PRPSAP1: variants seen among roughly 807,000 people sequenced by gnomAD.
PRPSAP1 encodes phosphoribosyl pyrophosphate synthetase associated protein 1.
In PRPSAP1, 31 loss-of-function variants were observed where a neutral mutation model predicts 39.4. The ratio of observed to expected loss-of-function variants is 0.79; its 90% CI spans 0.59 to 1.06. The LOEUF (loss-of-function observed/expected upper bound fraction) is 1.06. Among genes scored for constraint, PRPSAP1 ranks in the 50% least tolerant of loss-of-function variants. The pLI is 0.00. For missense variants in PRPSAP1, 430 were observed against 511.6 expected, an observed-to-expected ratio of 0.84 and a Z score of 1.54; for synonymous variants, 212 against 192.6, an observed-to-expected ratio of 1.10 and a Z score of -0.83.
rs766959868 is a variant in PRPSAP1 at position 76,328,797 on chromosome 17, G to A, written c.701C>T (p.Thr234Met). Residue 234 changes from threonine (T) to methionine (M), a missense_variant, in exon 7 of 10, where the codon ACG (threonine) becomes ATG (methionine). Around this residue, in one of 2 missense-constraint regions of PRPSAP1, gnomAD observed 278 missense variants for 376.3 expected, o/e 0.74. Coordinates refer to ENST00000446526, the MANE Select transcript of PRPSAP1 (RefSeq NM_002766.3). ...LAVIHGEAQC[T>M]ELDMDDGRHS... ...ACGACCATCGTCCATGTCCAGTTCC[G>A]TGCACTGAGCTTCCCCGTGAATGAC... 5.6e-6 allele frequency: 9 copies of A among 1,614,044 alleles called. No homozygotes were observed. Among genetic ancestry groups the A allele is most frequent in the South Asian group, 3.3e-5 (3 of 91,078 alleles).
chr17:76,342,122 G>C (rs1363709720), intron 3 of PRPSAP1, among the ~76,000 whole-genome samples: 1 of 151,968 alleles, frequency 6.6e-6, no homozygotes. Context: ...AATTTCTTAG[G>C]ATCTTCCTAC....
At chr17:76,323,918 G>A (rs1241010861) in intron 7 of PRPSAP1, among the ~76,000 whole-genome samples, 1 of 151,858 alleles carries the variant, frequency 6.6e-6, no homozygotes, top group African/African-American at 2.4e-5. Context: ...GGCCGAGGCG[G>A]GCAGATCACC....
chr17:76,312,957 T>C lies in PRPSAP1; in HGVS notation c.912A>G (p.Arg304=). Residue 304 remains arginine (R), a synonymous_variant, in exon 9 of 10, where the codon AGA becomes AGG. Transcript: ENST00000446526. ...CCATAACATAGATCTTATAGGCGCC[T>C]CTCTCTTTCAGGATCTCCGCGGCAG... ...FVAAAEILKE[R]GAYKIYVMAT... The C allele has an allele frequency of 3.1e-6, 5 of 1,614,040 alleles. No individual in the cohort carries two copies. Among genetic ancestry groups the C allele is most frequent in the Non-Finnish European group, 4.2e-6 (5 of 1,179,998 alleles).
intron 7 of PRPSAP1, among the ~76,000 whole-genome samples, chr17:76,323,576 G>A (rs2071221128): frequency 1.3e-5 from 2 of 152,156 alleles, no homozygotes; most frequent in African/African-American, 4.8e-5. Flanking sequence ...CATGGTAGAA[G>A]TAACTGCAGA....
Position 76,340,051 on chromosome 17 carries a change from C to T in PRPSAP1, c.290+4620G>A, listed in dbSNP as rs113773436. ...GAGGGTAAGACGGTGGGTGCTGAGA[C>T]AGGAGAATCACTTGAGCCTGGGAGG... On this transcript the variant is annotated intron_variant, in intron 3 of 9. Coordinates refer to ENST00000446526, the MANE Select transcript of PRPSAP1 (RefSeq NM_002766.3). 5.8e-3 allele frequency among the ~76,000 whole-genome samples: 866 copies of T among 149,020 alleles called. 28 individuals are homozygous for T. Among genetic ancestry groups the T allele is most frequent in the African/African-American group, 0.018 (709 of 39,666 alleles).
chr17:76,349,570 A>G (rs1179687154), intron 1 of PRPSAP1, among the ~76,000 whole-genome samples: 1 of 151,004 alleles, frequency 6.6e-6, no homozygotes, highest in South Asian at 2.1e-4. Flanking sequence ...AGACCAGCCT[A>G]ACTAATATAA....
In PRPSAP1 at chr17:76,353,847, C is replaced by CA; in HGVS notation, c.-145dup. 2 of 1,363,682 alleles carry CA rather than the reference C, an allele frequency of 1.5e-6. No individual in the cohort carries two copies. The highest frequency in any genetic ancestry group is 1.9e-6 in the Non-Finnish European group (2 of 1,065,396). The allele number at this position is 1,363,682 out of a possible 1,614,324, so 84.5% of individuals were successfully genotyped here. The stretch of plus-strand genomic sequence containing the variant: ...GAGCTCCGAGGTCCGTGCCCTTGCG[C>CA]ACCCCACACCACTGACTACAGCGGC... On this transcript the variant is annotated 5_prime_UTR_variant, in exon 1 of 10. Coordinates refer to ENST00000446526, the MANE Select transcript of PRPSAP1 (RefSeq NM_002766.3).
At chr17:76,337,875 G>A (rs1229481038) in intron 3 of PRPSAP1, among the ~76,000 whole-genome samples, 5 of 152,130 alleles carry the variant, frequency 3.3e-5, no homozygotes, top group African/African-American at 1.2e-4. Flanking sequence ...AAAGTGCTGG[G>A]ATTACAGGTG....
chr17:76,335,887 G>C (rs567720766), intron 3 of PRPSAP1, among the ~76,000 whole-genome samples: 70 of 152,140 alleles, frequency 4.6e-4, no homozygotes, highest in African/African-American at 1.6e-3. Context: ...CTAGCTATTC[G>C]GGAGGCTGAG....
intron 7 of PRPSAP1, among the ~76,000 whole-genome samples, chr17:76,320,157 A>C (rs1000708653): frequency 1.3e-5 from 2 of 151,958 alleles, no homozygotes; most frequent in Admixed American, 6.6e-5. Context: ...GTAATCCCAG[A>C]AACTTGAGAG....
rs1042497774 is a variant in PRPSAP1, at chr17:76,338,514, G to A, written c.291-6079C>T. ...GGTCAGGAGTTCGAGACCAGCCTAG[G>A]CAACATGGAGAAACCCCATCTCTAC... On this transcript the variant is annotated intron_variant, in intron 3 of 9. Coordinates refer to ENST00000446526, the MANE Select transcript of PRPSAP1 (RefSeq NM_002766.3). Among the ~76,000 whole-genome samples the A allele has an allele frequency of 6.6e-5, 10 of 151,854 alleles. No homozygotes were observed. The East Asian group carries it at 1.9e-3, about 29-fold the overall frequency.
At chr17:76,321,409 G>A (rs1444132127) in intron 7 of PRPSAP1, among the ~76,000 whole-genome samples, 1 of 151,986 alleles carries the variant, frequency 6.6e-6, no homozygotes, top group Admixed American at 6.6e-5. Context: ...ACAAAAATTA[G>A]CTGGGTGTGG....
At chr17:76,326,396 G>C (rs1019719159) in intron 7 of PRPSAP1, among the ~76,000 whole-genome samples, 3 of 134,372 alleles carry the variant, frequency 2.2e-5, no homozygotes, top group Admixed American at 1.5e-4. Context: ...TAATTACAAA[G>C]AGGAAAAAAA....
chr17:76,347,627 C>T (rs529492263), intron 2 of PRPSAP1, among the ~76,000 whole-genome samples: 2 of 151,198 alleles, frequency 1.3e-5, no homozygotes, highest in East Asian at 3.9e-4. Context: ...GGAATTTATT[C>T]TAGCAGTGAC....
At chr17:76,353,312 G>A (rs557265356) in intron 1 of PRPSAP1, 2 of 506,112 alleles carry the variant, frequency 4.0e-6, no homozygotes, top group Non-Finnish European at 6.8e-6. Context: ...GTCACGGGGC[G>A]GGGGGCTGAG....
In PRPSAP1 at chr17:76,336,503, CA is replaced by C. The variant is rs200705108; in HGVS notation, c.291-4069del. Among the ~76,000 whole-genome samples the C allele has an allele frequency of 9.9e-3, 1,485 of 149,988 alleles. 161 individuals carry two copies. The East Asian group carries it at 0.25, about 26-fold the overall frequency. ...ATCCCAGCACTTTGGGAGGCCGAGG[CA>C]GGTGGATTACCTGGGTCGGGAGTTC... is the stretch of plus-strand genomic sequence containing the variant. On this transcript the variant is annotated intron_variant, in intron 3 of 9. Transcript: ENST00000446526.
At chr17:76,333,619 T>G (rs2071348728) in intron 3 of PRPSAP1, among the ~76,000 whole-genome samples, 1 of 151,558 alleles carries the variant, frequency 6.6e-6, no homozygotes, top group African/African-American at 2.4e-5. Flanking sequence ...CACTCCAGCC[T>G]GGGCAACAGA....
rs776866780 is a variant in PRPSAP1, at chr17:76,312,878, C to A, written c.991G>T (p.Val331Leu). 241 of 1,612,534 alleles carry A rather than the reference C, an allele frequency of 1.5e-4. No individual in the cohort carries two copies. The highest frequency in any genetic ancestry group is 2.0e-4 in the Non-Finnish European group (232 of 1,179,574). Residue 331 changes from valine to leucine, a missense_variant, in exon 9 of 10, where the codon GTA becomes TTA. Coordinates refer to ENST00000446526, the MANE Select transcript of PRPSAP1 (RefSeq NM_002766.3). ...TTTAGAAGCAGCCTGACCTCGTCTA[C>A]GGAGGACTCCTCAATCAGGCGAGGG... ...EAPRLIEESS[V>L]DEVVVTNTVP...
At chr17:76,340,769 A>G (rs561772318) in intron 3 of PRPSAP1, among the ~76,000 whole-genome samples, 1 of 152,180 alleles carries the variant, frequency 6.6e-6, no homozygotes, top group Non-Finnish European at 1.5e-5. Context: ...ACATGCCTGT[A>G]GTCCCAGCTA....
Sources: allele counts gnomAD v4.1 joint callset (sites outside exome capture counted in the v4.1 genomes callset), GRCh38; gene constraint gnomAD v4.1.1; regional missense constraint gnomAD v4.1.1; transcripts MANE v1.5; gene names NCBI Gene and HGNC (gene_info 2026-07-23, HGNC 2026-07-21).